Variants in SYT2 observed in about 807,000 individuals in gnomAD.
SYT2 encodes the protein synaptotagmin 2.
SYT2 carries 15 observed loss-of-function variants against 39.9 expected under a neutral mutation model. The observed-to-expected ratio is 0.38, with a 90% CI of 0.25 to 0.58. The LOEUF (loss-of-function observed/expected upper bound fraction) is 0.58, where lower values mean the gene tolerates loss of function less well. Ranked by LOEUF, SYT2 falls within the 20% of genes least tolerant of loss-of-function variation. SYT2 has a pLI of 0.70. For missense variants in SYT2, 389 were observed against 530.3 expected, an observed-to-expected ratio of 0.73 and a Z score of 2.62; for synonymous variants, 181 against 204.5, an observed-to-expected ratio of 0.89 and a Z score of 0.98.
chr1:202,625,273 T>A (rs1691360650), intron 1 of SYT2, among the ~76,000 whole-genome samples: 1 of 60,442 alleles, frequency 1.7e-5, no homozygotes. Context: ...TGTAGTAGGG[T>A]GTGTGTGTGA....
intron 1 of SYT2, among the ~76,000 whole-genome samples, chr1:202,666,599 C>T (rs572043207): frequency 1.7e-3 from 261 of 152,302 alleles, no homozygotes; most frequent in African/African-American, 5.5e-3. Flanking sequence ...ATGACTTTAT[C>T]GGTCTATTGA....
At chr1:202,605,516 C>T (rs1422230659) in intron 2 of SYT2, 79 bp downstream of exon 2, 9 of 1,384,236 alleles carry the variant, frequency 6.5e-6, no homozygotes, top group South Asian at 1.3e-5. Context: ...CCAATCACAT[C>T]CCAGTGGTAT....
intron 1 of SYT2, among the ~76,000 whole-genome samples, chr1:202,708,844 G>C (rs1419783434): frequency 6.6e-6 from 1 of 152,228 alleles, no homozygotes; most frequent in South Asian, 2.1e-4. Flanking sequence ...GCTGGTCACA[G>C]AGATGTTTCT....
chr1:202,709,242 C>CG (rs1055943246), intron 1 of SYT2, among the ~76,000 whole-genome samples: 4 of 152,164 alleles, frequency 2.6e-5, no homozygotes, highest in Admixed American at 2.6e-4. Context: ...TCTCCTGCTG[C>CG]GGGGAGAGCA....
At chr1:202,705,180 A>T (rs1654217354) in intron 1 of SYT2, among the ~76,000 whole-genome samples, 1 of 152,244 alleles carries the variant, frequency 6.6e-6, no homozygotes, top group African/African-American at 2.4e-5. Flanking sequence ...AGTGCCTATG[A>T]TCTGGGGATT....
intron 1 of SYT2, among the ~76,000 whole-genome samples, chr1:202,679,247 G>A (rs1653465123): frequency 6.6e-6 from 1 of 152,032 alleles, no homozygotes; most frequent in South Asian, 2.1e-4. Context: ...CCTTCCTACA[G>A]CTGCCTTGAT....
intron 1 of SYT2, among the ~76,000 whole-genome samples, chr1:202,700,590 G>T (rs1654094719): frequency 1.3e-5 from 2 of 152,150 alleles, no homozygotes; most frequent in South Asian, 4.1e-4. Flanking sequence ...TATTTAATAA[G>T]TAACTATATT....
At position 202,689,009 on chromosome 1, in the gene SYT2, C is replaced by G. The variant is rs149107803; in HGVS notation, c.-18+21249G>C. On this transcript the variant is annotated intron_variant, in intron 1 of 8. Transcript: ENST00000367268. The stretch of plus-strand genomic sequence containing the variant: ...GGCTCACGGAGCAGCTCCAACGGGC[C>G]AGCCTCAGCAAGGGAGGGAACTTTC... Among the ~76,000 whole-genome samples the G allele has an allele frequency of 7.3e-4, 111 of 152,258 alleles. 1 individual carries two copies. In the East Asian group the frequency reaches 0.013, roughly 17 times the overall value.
intron 1 of SYT2, chr1:202,632,306 GA>G: frequency 5.7e-6 from 1 of 175,412 alleles, no homozygotes; most frequent in Non-Finnish European, 1.1e-5. Context: ...GCTCATTAGA[GA>G]AAAAGGTAAA....
At chr1:202,677,756 C>G (rs927160796) in intron 1 of SYT2, among the ~76,000 whole-genome samples, 11 of 152,212 alleles carry the variant, frequency 7.2e-5, no homozygotes, top group African/African-American at 1.7e-4. Context: ...GTAAACCCGA[C>G]ACTATATGAT....
intron 2 of SYT2, 31 bp downstream of exon 2, chr1:202,605,564 C>T: frequency 6.2e-6 from 10 of 1,600,762 alleles, no homozygotes; most frequent in Non-Finnish European, 8.6e-6. Flanking sequence ...TCTAGCCTTG[C>T]CCCACCCTCT....
chr1:202,619,869 T>A (rs1333377696), intron 1 of SYT2, among the ~76,000 whole-genome samples: 1 of 152,196 alleles, frequency 6.6e-6, no homozygotes, highest in Non-Finnish European at 1.5e-5. Context: ...ACAGATGTTC[T>A]CATCTAACCC....
chr1:202,596,663 A>C lies in SYT2; in HGVS notation c.*94T>G. Reference sequence around the variant, plus strand: ...ACACAACCACCCAACAAATGAAAGAAAAAAGAAAACCTCTAAGGTTGCATA... The same window carrying C: ...ACACAACCACCCAACAAATGAAAGACAAAAGAAAACCTCTAAGGTTGCATA... On this transcript the variant is annotated 3_prime_UTR_variant, in exon 9 of 9. Transcript: ENST00000367268. 7.9e-7 allele frequency: 1 copy of C among 1,266,756 alleles called. No homozygotes were observed. The highest frequency in any genetic ancestry group is 1.1e-6 in the Non-Finnish European group (1 of 920,332). The allele number at this position is 1,266,756 out of a possible 1,614,324, so 78.5% of individuals were successfully genotyped here. A position where few individuals can be genotyped will look rare whatever the true frequency, so the allele number is the denominator to read the frequency against.
chr1:202,654,397 C>A (rs1692244192), intron 1 of SYT2, among the ~76,000 whole-genome samples: 1 of 152,228 alleles, frequency 6.6e-6, no homozygotes, highest in African/African-American at 2.4e-5. Context: ...CTTAGGCCAG[C>A]CCTGTTTCTT....
In SYT2 at chr1:202,596,700, G is replaced by A; in HGVS notation, c.*57C>T. The A allele has an allele frequency of 3.3e-6, 5 of 1,518,954 alleles. No homozygotes were observed. The highest frequency in any genetic ancestry group is 4.5e-6 in the Non-Finnish European group (5 of 1,106,348). 94.1% of individuals were successfully genotyped at this position (1,518,954 alleles called of 1,614,324 possible). On this transcript the variant is annotated 3_prime_UTR_variant, in exon 9 of 9. Transcript: ENST00000367268. ...TCTAAGGTTGCATAACTGAGGTATT[G>A]ATAGCTCTGGATCTTGTCAGTGTCC...
chr1:202,657,520 TCAGA>T (rs1435454784), intron 1 of SYT2, among the ~76,000 whole-genome samples: 3 of 152,132 alleles, frequency 2.0e-5, no homozygotes, highest in Admixed American at 6.5e-5. Context: ...GAGGGAGCAG[TCAGA>T]CAGCTCTGTG....
At chr1:202,670,403 T>C (rs1359833069) in intron 1 of SYT2, among the ~76,000 whole-genome samples, 1 of 152,208 alleles carries the variant, frequency 6.6e-6, no homozygotes, top group African/African-American at 2.4e-5. Flanking sequence ...AGGGAGCTAC[T>C]GGCTGAAAAC....
intron 1 of SYT2, among the ~76,000 whole-genome samples, chr1:202,664,038 C>G (rs905964066): frequency 6.6e-6 from 1 of 152,226 alleles, no homozygotes; most frequent in Non-Finnish European, 1.5e-5. Flanking sequence ...TTGCTGCGTG[C>G]TCTTCTACCC....
chr1:202,611,549 T>C (rs1157936571), intron 1 of SYT2, among the ~76,000 whole-genome samples: 2 of 151,824 alleles, frequency 1.3e-5, no homozygotes, highest in African/African-American at 4.8e-5. Context: ...AGAGACGGGG[T>C]TTTACCATGT....
Sources: allele counts gnomAD v4.1 joint callset (sites outside exome capture counted in the v4.1 genomes callset), GRCh38; gene constraint gnomAD v4.1.1; transcripts MANE v1.5; gene names NCBI Gene and HGNC (gene_info 2026-07-23, HGNC 2026-07-21).